Variants in CYP2C19 observed in about 807,000 individuals in gnomAD.
CYP2C19 encodes the protein cytochrome P450 family 2 subfamily C member 19.
CYP2C19 carries 59 observed loss-of-function variants against 40.9 expected under a neutral mutation model. The ratio of observed to expected loss-of-function variants is 1.44; its 90% CI spans 1.17 to 1.79. The LOEUF is 1.79. CYP2C19 is among the 40% of genes most tolerant of loss of function. The pLI is 0.00. For synonymous variants in CYP2C19, 253 were observed against 208.7 expected, an observed-to-expected ratio of 1.21 and a Z score of -1.83; for missense variants, 754 against 596.9, an observed-to-expected ratio of 1.26 and a Z score of -2.74.
intron 6 of CYP2C19, among the ~76,000 whole-genome samples, chr10:94,825,832 G>C (rs1366317674): frequency 4.1e-5 from 6 of 147,070 alleles, no homozygotes; most frequent in East Asian, 2.0e-4. Flanking sequence ...ATTGATTTTT[G>C]TATAAGGTGT....
chr10:94,784,625 A>C (rs1373097865), intron 5 of CYP2C19, among the ~76,000 whole-genome samples: 1 of 151,726 alleles, frequency 6.6e-6, no homozygotes, highest in Admixed American at 6.6e-5. Context: ...TTATTTATTT[A>C]TTTATTTTGA....
At chr10:94,843,060 C>T in intron 7 of CYP2C19, 36 bp downstream of exon 7, 1 of 1,607,084 alleles carries the variant, frequency 6.2e-7, no homozygotes, top group Non-Finnish European at 8.5e-7. Context: ...ACTCCATGTT[C>T]TTTTATTCCT....
At chr10:94,831,647 T>G (rs1337292132) in intron 6 of CYP2C19, among the ~76,000 whole-genome samples, 2 of 152,340 alleles carry the variant, frequency 1.3e-5, no homozygotes, top group Non-Finnish European at 1.5e-5. Context: ...ATTTCTCTGA[T>G]GATCAGTGGT....
intron 6 of CYP2C19, among the ~76,000 whole-genome samples, chr10:94,838,431 A>G (rs1411436178): frequency 1.3e-5 from 2 of 152,150 alleles, no homozygotes; most frequent in Non-Finnish European, 2.9e-5. Flanking sequence ...GATTGCCCTA[A>G]CCCTTATAAA....
In CYP2C19 at chr10:94,830,247, C is replaced by T. The variant is rs111945865; in HGVS notation, c.961+9610C>T. On this transcript the variant is annotated intron_variant, in intron 6 of 8. Coordinates refer to ENST00000371321, the MANE Select transcript of CYP2C19 (RefSeq NM_000769.4). ...GCATGGGCAATGGCGGGCGCCCCTC[C>T]CCCAGCCTTGCTGCCACCTTGCAGT... 3.1e-3 allele frequency among the ~76,000 whole-genome samples: 465 copies of T among 152,356 alleles called. 2 individuals are homozygous for T. Among genetic ancestry groups the T allele is most frequent in the African/African-American group, 0.011 (442 of 41,574 alleles).
chr10:94,820,685 G>T (rs750296071), intron 6 of CYP2C19, 48 bp downstream of exon 6: 8 of 1,610,742 alleles, frequency 5.0e-6, no homozygotes, highest in Non-Finnish European at 5.9e-6. Flanking sequence ...AAGATGTTGG[G>T]AAGGTGCTGC....
At chr10:94,843,094 C>G in intron 7 of CYP2C19, 70 bp downstream of exon 7, 3 of 1,572,010 alleles carry the variant, frequency 1.9e-6, no homozygotes. Context: ...TGATTCTTAC[C>G]CTCTACCATC....
intron 5 of CYP2C19, among the ~76,000 whole-genome samples, chr10:94,791,709 G>C (rs913003160): frequency 2.0e-5 from 3 of 152,152 alleles, no homozygotes. Flanking sequence ...GTTCTAGTTT[G>C]ATTGCACCGT....
In CYP2C19 at chr10:94,840,684, C is replaced by T. The variant is rs145686834; in HGVS notation, c.962-2153C>T. ...ACAGGTGAGTAGAGACTTCTGGCTG[C>T]GCCATGATCTCAACCGGCTACTGCC... On this transcript the variant is annotated intron_variant, in intron 6 of 8. Coordinates refer to ENST00000371321, the MANE Select transcript of CYP2C19 (RefSeq NM_000769.4). Among the ~76,000 whole-genome samples the T allele has an allele frequency of 3.1e-3, 478 of 152,062 alleles. 3 individuals carry two copies. The highest frequency in any genetic ancestry group is 0.011 in the African/African-American group (452 of 41,442).
chr10:94,812,625 G>A (rs1848944249), intron 5 of CYP2C19, among the ~76,000 whole-genome samples: 2 of 151,964 alleles, frequency 1.3e-5, no homozygotes, highest in Admixed American at 6.6e-5. Flanking sequence ...TCATTAAGTT[G>A]ATCTTGAATC....
At chr10:94,844,919 G>C (rs1564684353) in intron 7 of CYP2C19, among the ~76,000 whole-genome samples, 1 of 152,198 alleles carries the variant, frequency 6.6e-6, no homozygotes, top group Non-Finnish European at 1.5e-5. Flanking sequence ...GTGACCTGTT[G>C]AAGGGGAATG....
intron 5 of CYP2C19, among the ~76,000 whole-genome samples, chr10:94,790,795 A>T (rs1305246755): frequency 1.3e-5 from 2 of 152,140 alleles, no homozygotes; most frequent in Non-Finnish European, 2.9e-5. Flanking sequence ...GGATTTTTGC[A>T]TCGATGTTCA....
chr10:94,766,653 G>A (rs1054557246), intron 1 of CYP2C19, among the ~76,000 whole-genome samples: 14 of 152,008 alleles, frequency 9.2e-5, no homozygotes, highest in East Asian at 3.9e-4. Flanking sequence ...CTTCAGGATC[G>A]GTGGTAGGAG....
Position 94,828,851 on chromosome 10 carries a change from C to A in CYP2C19, c.961+8214C>A, listed in dbSNP as rs1564678764. On this transcript the variant is annotated intron_variant, in intron 6 of 8. Transcript: ENST00000371321. The stretch of plus-strand genomic sequence containing the variant: ...GCTTCCTTCAGGAGTTCTTGTAAGG[C>A]AGGCCTGGTGGTGACAAAATCTCTC... Among the ~76,000 whole-genome samples, 5 of 152,212 alleles carry A rather than the reference C, an allele frequency of 3.3e-5. No homozygotes were observed. The South Asian group carries it at 1.0e-3, about 32-fold the overall frequency.
chr10:94,808,159 C>T (rs1848861347), intron 5 of CYP2C19, among the ~76,000 whole-genome samples: 1 of 152,016 alleles, frequency 6.6e-6, no homozygotes, highest in African/African-American at 2.4e-5. Context: ...GGTGCCTTGT[C>T]AATAATGTTT....
chr10:94,820,716 C>T (rs1849104418), intron 6 of CYP2C19, 79 bp downstream of exon 6: 1 of 1,554,524 alleles, frequency 6.4e-7, no homozygotes, highest in Middle Eastern at 1.7e-4. Flanking sequence ...CTTTCTGTTT[C>T]TCTTAGAGAA....
chr10:94,832,728 T>C (rs919516463), intron 6 of CYP2C19, among the ~76,000 whole-genome samples: 1 of 152,224 alleles, frequency 6.6e-6, no homozygotes, highest in South Asian at 2.1e-4. Context: ...TTGCTTATGA[T>C]AGTTTTGACT....
Position 94,764,201 on chromosome 10 carries a change from C to T in CYP2C19, c.168+1328C>T, listed in dbSNP as rs1022022179. Among the ~76,000 whole-genome samples the T allele has an allele frequency of 2.0e-5, 3 of 152,220 alleles. No individual in the cohort carries two copies. In the South Asian group the frequency reaches 6.2e-4, roughly 32 times the overall value. Reference sequence around the variant, plus strand: ...ATGGAAGGGGACCCAAGAGGGTTGCCGCTGCTGGCTCAGGTGGGCAGCTTT... The same window carrying T: ...ATGGAAGGGGACCCAAGAGGGTTGCTGCTGCTGGCTCAGGTGGGCAGCTTT... On this transcript the variant is annotated intron_variant, in intron 1 of 8. Transcript: ENST00000371321.
Position 94,775,214 on chromosome 10 carries a change from G to A in CYP2C19, c.325G>A (p.Gly109Arg), listed in dbSNP as rs1429211377. The change falls in exon 2 of 9, where the codon GGA (glycine) becomes AGA (arginine). Residue 109 changes from glycine to arginine, a missense_variant. Gly to Arg is a moderately radical substitution (Grantham distance 125). Coordinates refer to ENST00000371321, the MANE Select transcript of CYP2C19 (RefSeq NM_000769.4). ...HFPLAERANRGFGIVFSNGKR... is the reference protein window; with the variant it reads ...HFPLAERANRRFGIVFSNGKR... Reference sequence around the variant, plus strand: ...CCCACTGGCTGAAAGAGCTAACAGAGGATTTGGTAGGTGTGCAAGTGCCTG... The same window carrying A: ...CCCACTGGCTGAAAGAGCTAACAGAAGATTTGGTAGGTGTGCAAGTGCCTG... 1.9e-6 allele frequency: 3 copies of A among 1,614,080 alleles called. No homozygotes were observed. The highest frequency in any genetic ancestry group is 2.5e-6 in the Non-Finnish European group (3 of 1,180,010).
Sources: gnomAD v4.1 joint callset for allele counts (sites outside exome capture counted in the v4.1 genomes callset) on GRCh38, gnomAD v4.1.1 for gene constraint, MANE v1.5 for transcripts, NCBI Gene and HGNC (gene_info 2026-07-23, HGNC 2026-07-21) for gene names.